Variants in ANKRD6 observed in about 807,000 individuals in gnomAD.
ANKRD6 encodes ankyrin repeat domain-containing protein 6.
Under a neutral mutation model 82.3 loss-of-function variants are expected in ANKRD6, and 56 were observed. The ratio of observed to expected loss-of-function variants is 0.68; its 90% CI spans 0.55 to 0.85. ANKRD6 has a LOEUF of 0.85. Ranked by LOEUF, ANKRD6 falls within the 40% of genes least tolerant of loss-of-function variation. The pLI is 0.00. For missense variants in ANKRD6, 852 were observed against 907.6 expected, an observed-to-expected ratio of 0.94 and a Z score of 0.79; for synonymous variants, 347 against 352.1, an observed-to-expected ratio of 0.99 and a Z score of 0.16.
chr6:89,548,799 G>A (rs140905046), intron 1 of ANKRD6, among the ~76,000 whole-genome samples: 18 of 152,320 alleles, frequency 1.2e-4, no homozygotes, highest in East Asian at 7.7e-4. Context: ...GTTACGCAGC[G>A]TCTTAGTGTG....
At chr6:89,457,240 C>T (rs1429103612) in intron 1 of ANKRD6, among the ~76,000 whole-genome samples, 1 of 152,204 alleles carries the variant, frequency 6.6e-6, no homozygotes, top group Non-Finnish European at 1.5e-5. Context: ...CCACTTTCAC[C>T]ATGTTCTATT....
At chr6:89,485,059 T>C (rs989522838) in intron 1 of ANKRD6, among the ~76,000 whole-genome samples, 3 of 152,196 alleles carry the variant, frequency 2.0e-5, no homozygotes, top group Admixed American at 1.3e-4. Context: ...TTGGGAACCC[T>C]GGATGTTAGG....
chr6:89,477,895 CT>C (rs1006708936), intron 1 of ANKRD6, among the ~76,000 whole-genome samples: 14 of 151,998 alleles, frequency 9.2e-5, no homozygotes, highest in South Asian at 4.1e-4. Context: ...CCCTTTCCCC[CT>C]ATTAAACGTG....
intron 10 of ANKRD6, 27 bp from the exon 11 acceptor site, chr6:89,623,383 G>A: frequency 1.9e-6 from 3 of 1,596,882 alleles, no homozygotes; most frequent in Non-Finnish European, 2.6e-6. Flanking sequence ...CAAACACAAT[G>A]GGTCTCTGGG....
chr6:89,490,458 G>A (rs937989104), intron 1 of ANKRD6, among the ~76,000 whole-genome samples: 36 of 152,380 alleles, frequency 2.4e-4, no homozygotes, highest in Admixed American at 1.8e-3. Context: ...AATATCAGAT[G>A]TCATTGAAGC....
chr6:89,526,259 G>A (rs1223429431), intron 1 of ANKRD6, among the ~76,000 whole-genome samples: 2 of 152,162 alleles, frequency 1.3e-5, no homozygotes, highest in African/African-American at 2.4e-5. Context: ...TGGTCTAATG[G>A]TCTACCCCAT....
chr6:89,514,825 TAA>T (rs1781015163), intron 1 of ANKRD6, among the ~76,000 whole-genome samples: 1 of 152,228 alleles, frequency 6.6e-6, no homozygotes, highest in Non-Finnish European at 1.5e-5. Flanking sequence ...GCACAGGTGT[TAA>T]AAGAGTTAGC....
At chr6:89,556,706 A>ACATCTAAACAGTAACCATAGAAC (rs1361510670) in intron 1 of ANKRD6, among the ~76,000 whole-genome samples, 1 of 152,244 alleles carries the variant, frequency 6.6e-6, no homozygotes, top group Non-Finnish European at 1.5e-5. Context: ...AGATCAAGGA[A>ACATCTAAACAGTAACCATAGAAC]CATCTAAACA....
chr6:89,537,895 A>AG (rs1272229254), intron 1 of ANKRD6, among the ~76,000 whole-genome samples: 22 of 137,824 alleles, frequency 1.6e-4, no homozygotes, highest in Non-Finnish European at 2.9e-4. Flanking sequence ...AAAAAAAAAA[A>AG]AAAAAGAAAA....
At chr6:89,587,527 C>T (rs542596673) in intron 2 of ANKRD6, among the ~76,000 whole-genome samples, 2 of 152,216 alleles carry the variant, frequency 1.3e-5, no homozygotes, top group South Asian at 4.2e-4. Context: ...TCAATTAAAC[C>T]CAATTGTTAG....
At chr6:89,574,302 C>T (rs910201682) in intron 2 of ANKRD6, among the ~76,000 whole-genome samples, 4 of 135,718 alleles carry the variant, frequency 2.9e-5, no homozygotes, top group African/African-American at 1.1e-4. Context: ...ACTTCCTTTC[C>T]TTGGATTTTG....
rs377017079 is a variant in ANKRD6, at chr6:89,623,984, C to T, written c.1145C>T (p.Pro382Leu). 5 of 1,612,644 alleles carry T rather than the reference C, an allele frequency of 3.1e-6. No homozygotes were observed. Among genetic ancestry groups the T allele is most frequent in the Non-Finnish European group, 4.2e-6 (5 of 1,178,954 alleles). Reference protein sequence around the residue: ...KKRNRHRCSSPPPPHEFRAYQ... With the variant: ...KKRNRHRCSSLPPPHEFRAYQ... ...AGGAACAGGCATCGGTGTTCATCCC[C>T]ACCCCCACCCCATGAGTTCAGGGCG... is the stretch of plus-strand genomic sequence containing the variant. Residue 382 changes from proline to leucine, a missense_variant, in exon 12 of 16, where the codon CCA (proline) becomes CTA (leucine). Physicochemically the swap from Pro to Leu is moderately conservative, Grantham distance 98. Coordinates refer to ENST00000339746, the MANE Select transcript of ANKRD6 (RefSeq NM_001242809.2).
At chr6:89,608,648 T>C (rs1173803586) in intron 5 of ANKRD6, among the ~76,000 whole-genome samples, 1 of 152,062 alleles carries the variant, frequency 6.6e-6, no homozygotes, top group Non-Finnish European at 1.5e-5. Flanking sequence ...CTCCTGGCTC[T>C]CACTACTTTT....
intron 1 of ANKRD6, among the ~76,000 whole-genome samples, chr6:89,505,345 A>G (rs908282450): frequency 6.6e-6 from 1 of 152,228 alleles, no homozygotes; most frequent in Non-Finnish European, 1.5e-5. Flanking sequence ...TGTTGTGAAT[A>G]AGTAAGGGAT....
At chr6:89,553,279 C>T (rs977437255) in intron 1 of ANKRD6, among the ~76,000 whole-genome samples, 2 of 152,182 alleles carry the variant, frequency 1.3e-5, no homozygotes, top group African/African-American at 4.8e-5. Flanking sequence ...AGGAGGGTCA[C>T]ACAGCCGACT....
Position 89,537,387 on chromosome 6 carries a change from C to CATTG in ANKRD6, c.-143-29444_-143-29441dup, listed in dbSNP as rs537045912. Reference sequence around the variant, plus strand: ...CACACACCCCACAAGGTTTTTAGAGCATTGATACTGGTATGTTTCAGATAC... The same window carrying CATTG: ...CACACACCCCACAAGGTTTTTAGAGCATTGATTGATACTGGTATGTTTCAGATAC... On this transcript the variant is annotated intron_variant, in intron 1 of 15. Transcript: ENST00000339746. Among the ~76,000 whole-genome samples the CATTG allele has an allele frequency of 1.2e-4, 19 of 152,128 alleles. No homozygotes were observed. In the East Asian group the frequency reaches 3.7e-3, roughly 29 times the overall value.
intron 1 of ANKRD6, among the ~76,000 whole-genome samples, chr6:89,497,484 A>C (rs924472778): frequency 6.6e-6 from 1 of 152,154 alleles, no homozygotes; most frequent in Non-Finnish European, 1.5e-5. Flanking sequence ...CTTTGTAGGA[A>C]GACTACAAGA....
chr6:89,480,654 T>A (rs1265117406), intron 1 of ANKRD6, among the ~76,000 whole-genome samples: 4 of 150,288 alleles, frequency 2.7e-5, no homozygotes, highest in South Asian at 2.1e-4. Context: ...AAAAAAAAAA[T>A]GCAAAGTTGG....
At chr6:89,505,513 G>C (rs747488725) in intron 1 of ANKRD6, among the ~76,000 whole-genome samples, 4 of 152,188 alleles carry the variant, frequency 2.6e-5, no homozygotes, top group Non-Finnish European at 4.4e-5. Context: ...ACATTAACTG[G>C]ACCTGTAGGT....
Sources: allele counts gnomAD v4.1 joint callset (sites outside exome capture counted in the v4.1 genomes callset), GRCh38; gene constraint gnomAD v4.1.1; transcripts MANE v1.5; gene names NCBI Gene and HGNC (gene_info 2026-07-23, HGNC 2026-07-21).